The following ZNF710 variants were observed in gnomAD, a reference collection of about 807,000 sequenced individuals.
ZNF710 encodes zinc finger protein 710.
A neutral mutation model predicts 50.6 loss-of-function variants in ZNF710; 13 were observed. That is an observed-to-expected ratio of 0.26 (90% CI 0.17 to 0.41). The LOEUF (loss-of-function observed/expected upper bound fraction) is 0.41. Ranked by LOEUF, ZNF710 falls within the 10% of genes least tolerant of loss-of-function variation. The pLI, the probability that ZNF710 is intolerant of heterozygous loss-of-function variation, is 1.00. For synonymous variants in ZNF710, 383 were observed against 397.0 expected, an observed-to-expected ratio of 0.96 and a Z score of 0.42; for missense variants, 721 against 936.6, an observed-to-expected ratio of 0.77 and a Z score of 3.01.
chr15:90,053,648 T>A lies in ZNF710; in HGVS notation c.-28-13462T>A, dbSNP rs574132830. ...AGCCCCTGCGCCAGTCAGCAGTGAA[T>A]TCCTGCCTGGAGCTGGTCATGGGGG... is the stretch of plus-strand genomic sequence containing the variant. On this transcript the variant is annotated intron_variant, in intron 1 of 4. Transcript: ENST00000268154. Among the ~76,000 whole-genome samples the A allele has an allele frequency of 1.7e-3, 254 of 152,308 alleles. 1 individual carries two copies. Among genetic ancestry groups the A allele is most frequent in the African/African-American group, 5.7e-3 (237 of 41,568 alleles).
intron 3 of ZNF710, 115 bp downstream of exon 3, chr15:90,073,377 G>A (rs1948052141): frequency 1.6e-6 from 2 of 1,271,506 alleles, no homozygotes; most frequent in Non-Finnish European, 2.2e-6. Flanking sequence ...GGCAAGAGGA[G>A]CCCCGGCTGG....
chr15:90,067,311 G>T lies in ZNF710; in HGVS notation c.174G>T (p.Glu58Asp). The change falls in exon 2 of 5, where the codon GAG (glutamate) becomes GAT (aspartate). Residue 58 changes from glutamate (E) to aspartate (D), a missense_variant. Physicochemically the swap from Glu to Asp is conservative, Grantham distance 45. This residue lies in a region of ZNF710 where 326 missense variants were observed against 347.1 expected (regional missense o/e 0.94). Transcript: ENST00000268154. This position sits in a 1 kb window ranked among gnomAD's most constrained non-coding sequence, Gnocchi z 8.1. ...AGCTTTCAGGGGCAGCCATGGGAGA[G>T]CCCGAGCCACCAGGCCCCGACGTCT... The part of the protein sequence containing the change: ...GPELSGAAMG[E>D]PEPPGPDVYQ... 1 of 1,608,952 alleles carries T rather than the reference G, an allele frequency of 6.2e-7. No homozygotes were observed. Among genetic ancestry groups the T allele is most frequent in the Non-Finnish European group, 8.5e-7 (1 of 1,177,936 alleles).
chr15:90,046,987 C>T (rs539417021), intron 1 of ZNF710, among the ~76,000 whole-genome samples: 5 of 152,332 alleles, frequency 3.3e-5, no homozygotes, highest in South Asian at 2.1e-4. Flanking sequence ...GCTGGCAACC[C>T]GGAAGCTGCC....
Position 90,074,149 on chromosome 15 carries a change from C to T in ZNF710, c.1684C>T (p.Leu562=). Residue 562 remains leucine (L), a synonymous_variant, in exon 4 of 5, where the codon CTG becomes TTG. Transcript: ENST00000268154. The stretch of plus-strand genomic sequence containing the variant: ...GAAGTCCTTCAACCGCATGTACAAC[C>T]TGCTGGGCCACATGCACCTGCACGC... ...CGKSFNRMYN[L]LGHMHLHAGS... is the part of the protein sequence containing the mutation. The T allele has an allele frequency of 6.2e-7, 1 of 1,613,806 alleles. No individual in the cohort carries two copies. The highest frequency in any genetic ancestry group is 8.5e-7 in the Non-Finnish European group (1 of 1,179,878).
chr15:90,076,432 C>G (rs1441450557), intron 4 of ZNF710: 7 of 152,208 alleles, frequency 4.6e-5, no homozygotes, highest in African/African-American at 1.7e-4. Flanking sequence ...GTCAGTGTTA[C>G]AGCTCTTTTA....
intron 1 of ZNF710, among the ~76,000 whole-genome samples, chr15:90,019,187 CTTTTTTTTTT>C (rs11285838): frequency 7.8e-5 from 7 of 89,390 alleles, no homozygotes; most frequent in Admixed American, 7.2e-4. Flanking sequence ...CTTTTTCTTT[CTTTTTTTTTT>C]TTTTTTTTTT....
At chr15:90,001,645 C>CCCCAGG (rs1898012929) in intron 1 of ZNF710, 31 bp downstream of exon 1, 1 of 144,646 alleles carries the variant, frequency 6.9e-6, no homozygotes, top group Admixed American at 6.8e-5. Context: ...CCCGCCCCAG[C>CCCCAGG]CCCAGCCCCA....
intron 1 of ZNF710, among the ~76,000 whole-genome samples, chr15:90,044,794 C>T (rs941241915): frequency 2.6e-5 from 4 of 152,162 alleles, no homozygotes; most frequent in Non-Finnish European, 4.4e-5. Flanking sequence ...AGCAGTGGCT[C>T]CTCTCCTGTG....
intron 4 of ZNF710, 81 bp from the exon 5 acceptor site, chr15:90,079,579 A>G: frequency 6.5e-7 from 1 of 1,539,208 alleles, no homozygotes; most frequent in Admixed American, 2.1e-5. Context: ...CTCTTTAGAA[A>G]GGCCATCAGC....
chr15:90,053,070 T>A (rs1037335871), intron 1 of ZNF710, among the ~76,000 whole-genome samples: 13 of 152,278 alleles, frequency 8.5e-5, no homozygotes, highest in African/African-American at 2.7e-4. Flanking sequence ...CAACCTTTCA[T>A]TCTGCCTTAA....
At chr15:90,017,061 G>A (rs1361215455) in intron 1 of ZNF710, among the ~76,000 whole-genome samples, 1 of 152,230 alleles carries the variant, frequency 6.6e-6, no homozygotes, top group Non-Finnish European at 1.5e-5. Flanking sequence ...GCTGCTGCCA[G>A]GTGCTGAGGG....
chr15:90,021,406 A>G (rs992533981), intron 1 of ZNF710, among the ~76,000 whole-genome samples: 5 of 152,186 alleles, frequency 3.3e-5, no homozygotes, highest in African/African-American at 9.7e-5. Context: ...TGGGTTCATG[A>G]GCCTACTTTT....
chr15:90,067,801 C>T lies in ZNF710; in HGVS notation c.664C>T (p.His222Tyr), dbSNP rs1377405482. The T allele has an allele frequency of 2.5e-6, 4 of 1,581,938 alleles. No homozygotes were observed. Among genetic ancestry groups the T allele is most frequent in the Non-Finnish European group, 3.4e-6 (4 of 1,164,412 alleles). Reference protein sequence around the residue: ...LPTECGFEPPHLAPLSDPEAP... With the variant: ...LPTECGFEPPYLAPLSDPEAP... ...CACAGAGTGTGGGTTCGAGCCACCC[C>T]ACCTGGCCCCCCTGAGTGACCCCGA... The change falls in exon 2 of 5, where the codon CAC becomes TAC. Residue 222 changes from histidine (H) to tyrosine (Y), a missense_variant. Physicochemically the swap from His to Tyr is moderately conservative, Grantham distance 83. Transcript: ENST00000268154. The surrounding 1 kb of genome is among the most constrained non-coding windows in gnomAD (Gnocchi z 8.1).
Position 90,074,166 on chromosome 15 carries a change from C to T in ZNF710, c.1701C>T (p.His567=). The T allele has an allele frequency of 1.2e-6, 2 of 1,613,880 alleles. No homozygotes were observed. The highest frequency in any genetic ancestry group is 1.3e-5 in the African/African-American group (1 of 75,020). The change falls in exon 4 of 5, where the codon CAC becomes CAT. Residue 567 remains histidine, a synonymous_variant. Transcript: ENST00000268154. ...NRMYNLLGHM[H]LHAGSKPFKC... ...TGTACAACCTGCTGGGCCACATGCA[C>T]CTGCACGCCGGCAGCAAGCCCTTCA...
At position 90,068,879 on chromosome 15, in the gene ZNF710, G is replaced by A. The variant is rs1351770076; in HGVS notation, c.1458+284G>A. Among the ~76,000 whole-genome samples, 1 of 152,004 alleles carries A rather than the reference G, an allele frequency of 6.6e-6. No homozygotes were observed. Among genetic ancestry groups the A allele is most frequent in the African/African-American group, 2.4e-5 (1 of 41,374 alleles). ...AGGCCAAGGCAGGCAGATTGCTTGA[G>A]TCCTGGGGTTTGAGACCAGCCTGGG... is the stretch of plus-strand genomic sequence containing the variant. On this transcript the variant is annotated intron_variant, in intron 2 of 4. Transcript: ENST00000268154. The surrounding 1 kb of genome is among the most constrained non-coding windows in gnomAD (Gnocchi z 5.0).
In ZNF710 at chr15:90,073,961, G is replaced by A. The variant is rs375627400; in HGVS notation, c.1651-155G>A. On this transcript the variant is annotated intron_variant, in intron 3 of 4. Transcript: ENST00000268154. Reference sequence around the variant, plus strand: ...GCCGAGATCATGCCACTGCACTCCAGCCTGGACAACAGAGTGAGAGTCTGT... The same window carrying A: ...GCCGAGATCATGCCACTGCACTCCAACCTGGACAACAGAGTGAGAGTCTGT... 5.1e-5 allele frequency among the ~76,000 whole-genome samples: 7 copies of A among 136,996 alleles called. No homozygotes were observed. In the East Asian group the frequency reaches 1.5e-3, roughly 29 times the overall value. 89.9% of individuals were successfully genotyped at this position (136,996 alleles called of 152,430 possible).
At chr15:90,014,694 A>G (rs1315078480) in intron 1 of ZNF710, among the ~76,000 whole-genome samples, 1 of 152,128 alleles carries the variant, frequency 6.6e-6, no homozygotes, top group East Asian at 1.9e-4. Context: ...CAGAAGTCAT[A>G]AGAGAAAAAA....
In ZNF710 at chr15:90,062,504, G is replaced by GA. The variant is rs1466067521; in HGVS notation, c.-28-4606_-28-4605insA. Among the ~76,000 whole-genome samples the GA allele has an allele frequency of 6.6e-6, 1 of 152,162 alleles. No individual in the cohort carries two copies. Among genetic ancestry groups the GA allele is most frequent in the African/African-American group, 2.4e-5 (1 of 41,448 alleles). On this transcript the variant is annotated intron_variant, in intron 1 of 4. Transcript: ENST00000268154. The surrounding 1 kb of genome is among the most constrained non-coding windows in gnomAD (Gnocchi z 5.6). ...GGAGAGGCCCTGCTCTAAGAAGGGA[G>GA]GGGCCCCAGTGGGGCCCCAGGCGGA...
At chr15:90,045,247 A>C (rs1369235925) in intron 1 of ZNF710, 1 of 749,342 alleles carries the variant, frequency 1.3e-6, no homozygotes, top group Non-Finnish European at 1.6e-6. Context: ...TTTGCCAGGC[A>C]GAAAAGCCTT....
Sources: gnomAD v4.1 joint callset for allele counts (sites outside exome capture counted in the v4.1 genomes callset) on GRCh38, gnomAD v4.1.1 for gene constraint, gnomAD v4.1.1 regional missense constraint, Gnocchi (gnomAD v3.1) non-coding constraint, MANE v1.5 for transcripts, NCBI Gene and HGNC (gene_info 2026-07-23, HGNC 2026-07-21) for gene names.